ROBO1: variants seen among roughly 807,000 people sequenced by gnomAD.
The protein encoded by ROBO1 is roundabout homolog 1.
A neutral mutation model predicts 195.9 loss-of-function variants in ROBO1; 149 were observed. That is an observed-to-expected ratio of 0.76 (90% CI 0.67 to 0.87). ROBO1 has a LOEUF of 0.87. ROBO1 is among the 40% of genes least tolerant of loss of function. The pLI, the probability that ROBO1 is intolerant of heterozygous loss-of-function variation, is 0.00. For missense variants in ROBO1, 1,933 were observed against 2,068.3 expected (o/e 0.93, Z 1.27); for synonymous variants, 816 against 733.2 (o/e 1.11, Z -1.82).
At position 78,945,362 on chromosome 3, in the gene ROBO1, A is replaced by G. The variant is rs138371218; in HGVS notation, c.173-6435T>C. ...CAGACAGCAGCATTTGCAGTTCACC[A>G]ATATATGCTGTTCTGCAGACACCGC... On this transcript the variant is annotated intron_variant, in intron 3 of 30. Transcript: ENST00000464233. 2.4e-3 allele frequency among the ~76,000 whole-genome samples: 366 copies of G among 152,254 alleles called. 2 individuals carry two copies. The highest frequency in any genetic ancestry group is 8.5e-3 in the African/African-American group (353 of 41,554).
intron 1 of ROBO1, among the ~76,000 whole-genome samples, chr3:79,675,563 A>G (rs2106932974): frequency 6.6e-6 from 1 of 152,188 alleles, no homozygotes; most frequent in Non-Finnish European, 1.5e-5. Flanking sequence ...GCTGGAGGGT[A>G]AAGAGAAATA....
At chr3:79,421,607 T>G (rs1454038163) in intron 2 of ROBO1, among the ~76,000 whole-genome samples, 1 of 152,128 alleles carries the variant, frequency 6.6e-6, no homozygotes, top group East Asian at 1.9e-4. Flanking sequence ...ATAGGACTAC[T>G]TAGCTCAAAT....
rs373244960 is a variant in ROBO1 at position 79,689,255 on chromosome 3, T to G, written c.-51+78497A>C. 2.6e-5 allele frequency among the ~76,000 whole-genome samples: 4 copies of G among 152,012 alleles called. No homozygotes were observed. The East Asian group carries it at 5.8e-4, about 22-fold the overall frequency. The stretch of plus-strand genomic sequence containing the variant: ...TAATTTTAAAATTAACAAATGTTCC[T>G]GAAAACTTGATTTAAAATTGTAGAT... On this transcript the variant is annotated intron_variant, in intron 1 of 30. Coordinates refer to ENST00000464233, the MANE Select transcript of ROBO1 (RefSeq NM_002941.4).
At chr3:78,652,339 T>A (rs1575845702) in intron 18 of ROBO1, among the ~76,000 whole-genome samples, 1 of 152,254 alleles carries the variant, frequency 6.6e-6, no homozygotes, top group East Asian at 1.9e-4. Context: ...GAATATTTAA[T>A]AAGTATTCAC....
At chr3:79,301,797 A>G (rs1207908008) in intron 2 of ROBO1, among the ~76,000 whole-genome samples, 5 of 152,230 alleles carry the variant, frequency 3.3e-5, no homozygotes, top group African/African-American at 1.2e-4. Flanking sequence ...ACCTAAAGAC[A>G]TTATGAATTG....
chr3:79,038,870 C>A (rs967097634), intron 3 of ROBO1, among the ~76,000 whole-genome samples: 3 of 152,148 alleles, frequency 2.0e-5, no homozygotes, highest in Non-Finnish European at 4.4e-5. Flanking sequence ...GAAAGACTCA[C>A]AAGCACATGC....
chr3:79,622,476 G>A (rs1307320567), intron 1 of ROBO1, among the ~76,000 whole-genome samples: 1 of 152,218 alleles, frequency 6.6e-6, no homozygotes, highest in African/African-American at 2.4e-5. Context: ...TGTAGCTCCA[G>A]CCTGTGCTTT....
chr3:78,657,625 A>G (rs1248008760), intron 17 of ROBO1, among the ~76,000 whole-genome samples: 1 of 152,226 alleles, frequency 6.6e-6, no homozygotes, highest in African/African-American at 2.4e-5. Flanking sequence ...TACCTTGCAG[A>G]TAGCTGTGTC....
At chr3:79,277,112 G>T (rs2031102097) in intron 2 of ROBO1, among the ~76,000 whole-genome samples, 2 of 151,930 alleles carry the variant, frequency 1.3e-5, no homozygotes, top group South Asian at 4.1e-4. Flanking sequence ...CAATCTCACT[G>T]GTAGGTGTAT....
At chr3:79,463,402 A>AC (rs149113362) in intron 2 of ROBO1, among the ~76,000 whole-genome samples, 5,252 of 151,714 alleles carry the variant, frequency 0.035, 219 homozygotes, top group African/African-American at 0.099. Flanking sequence ...CAAAAAACAA[A>AC]AAACAAAAAA....
intron 3 of ROBO1, among the ~76,000 whole-genome samples, chr3:79,095,157 A>G (rs555002476): frequency 1.3e-4 from 19 of 151,988 alleles, no homozygotes; most frequent in East Asian, 9.8e-4. Context: ...TATGTCTTCT[A>G]TTTTCTACAT....
At position 78,855,781 on chromosome 3, in the gene ROBO1, A is replaced by T. The variant is rs190724961; in HGVS notation, c.499+82820T>A. ...TAAAGATCATTAAACAGAAAAAAAA[A>T]TTGCTTTAAAAAATCCTAATATGAA... On this transcript the variant is annotated intron_variant, in intron 4 of 30. Transcript: ENST00000464233. Among the ~76,000 whole-genome samples, 1,205 of 152,254 alleles carry T rather than the reference A, an allele frequency of 7.9e-3. 14 individuals are homozygous for T. The highest frequency in any genetic ancestry group is 0.034 in the Middle Eastern group (10 of 294).
At chr3:79,745,624 T>C (rs950671337) in intron 1 of ROBO1, among the ~76,000 whole-genome samples, 10 of 152,172 alleles carry the variant, frequency 6.6e-5, no homozygotes, top group African/African-American at 2.4e-4. Context: ...TGTGATAATA[T>C]TTATCCTGTA....
At chr3:79,051,854 T>C (rs1227935041) in intron 3 of ROBO1, among the ~76,000 whole-genome samples, 1 of 152,162 alleles carries the variant, frequency 6.6e-6, no homozygotes, top group Non-Finnish European at 1.5e-5. Context: ...ACTTCCCCAA[T>C]CAATACTCTT....
intron 2 of ROBO1, among the ~76,000 whole-genome samples, chr3:79,448,457 C>A (rs2039338295): frequency 6.6e-6 from 1 of 151,980 alleles, no homozygotes; most frequent in Non-Finnish European, 1.5e-5. Flanking sequence ...CTCCATAAAA[C>A]CTAATATTTT....
rs762281365 is a variant in ROBO1, at chr3:78,917,189, C to T, written c.499+21412G>A. 7.0e-4 allele frequency among the ~76,000 whole-genome samples: 104 copies of T among 148,488 alleles called. 1 individual carries two copies. In the Middle Eastern group the frequency reaches 0.014, roughly 20 times the overall value. ...TCGGCTCATTGCAACCTCTGCCTCC[C>T]GGGTTCAAGCGATTCTCCTGCCTCA... On this transcript the variant is annotated intron_variant, in intron 4 of 30. Transcript: ENST00000464233.
At position 79,183,080 on chromosome 3, in the gene ROBO1, C is replaced by CAAAAAAAAAAAAAAAAAAAAAA. The variant is rs1304597488; in HGVS notation, c.89-57542_89-57541insTTTTTTTTTTTTTTTTTTTTTT. Reference sequence around the variant, plus strand: ...TGGGTGACAGAGAGAGACTCCAACTCAAAAAAAAAAAAAAAAAGATACATA... The same window carrying CAAAAAAAAAAAAAAAAAAAAAA: ...TGGGTGACAGAGAGAGACTCCAACTCAAAAAAAAAAAAAAAAAAAAAAAAAAAAAAAAAAAAAAAGATACATA... On this transcript the variant is annotated intron_variant, in intron 2 of 30. Transcript: ENST00000464233. Among the ~76,000 whole-genome samples the CAAAAAAAAAAAAAAAAAAAAAA allele has an allele frequency of 2.3e-4, 15 of 64,806 alleles. 1 individual carries two copies. The highest frequency in any genetic ancestry group is 7.0e-4 in the African/African-American group (13 of 18,590). The allele number at this position is 64,806 out of a possible 152,430, so 42.5% of individuals were successfully genotyped here.
At chr3:79,112,229 T>C (rs1188760961) in intron 3 of ROBO1, among the ~76,000 whole-genome samples, 1 of 152,322 alleles carries the variant, frequency 6.6e-6, no homozygotes, top group East Asian at 1.9e-4. Flanking sequence ...GAATTGATTT[T>C]TCATATGTGA....
chr3:78,748,344 C>A (rs1162250461), intron 4 of ROBO1, among the ~76,000 whole-genome samples: 1 of 152,062 alleles, frequency 6.6e-6, no homozygotes, highest in African/African-American at 2.4e-5. Context: ...ACTCCGGAGG[C>A]TGAGGCAGGA....
Sources: gnomAD v4.1 joint callset for allele counts (sites outside exome capture counted in the v4.1 genomes callset) on GRCh38, gnomAD v4.1.1 for gene constraint, MANE v1.5 for transcripts, NCBI Gene and HGNC (gene_info 2026-07-23, HGNC 2026-07-21) for gene names.